The following ZNF469 variants were observed in gnomAD, a reference collection of about 807,000 sequenced individuals.
ZNF469 encodes zinc finger protein 469.
ZNF469 carries 1 observed loss-of-function variant against 1.0 expected under a neutral mutation model. The ratio of observed to expected loss-of-function variants is 1.00; its 90% CI spans 0.35 to 4.73. The LOEUF (loss-of-function observed/expected upper bound fraction) is 4.73, where lower values mean the gene tolerates loss of function less well. ZNF469 is among the 30% of genes most tolerant of loss of function. The pLI, the probability that ZNF469 is intolerant of heterozygous loss-of-function variation, is 0.16. For missense variants in ZNF469, 6,100 were observed against 5,356.3 expected (o/e 1.14, Z -4.33); for synonymous variants, 2,703 against 2,363.4 (o/e 1.14, Z -4.17).
chr16:88,180,046 T>A, the ZNF469 span, among the ~76,000 whole-genome samples: 1 of 152,114 alleles, frequency 6.6e-6, no homozygotes, highest in African/African-American at 2.4e-5. Flanking sequence ...AATGAAATAA[T>A]AAAAAATACT....
At chr16:88,129,928 G>C in the ZNF469 span, among the ~76,000 whole-genome samples, 1 of 152,228 alleles carries the variant, frequency 6.6e-6, no homozygotes, top group African/African-American at 2.4e-5. Context: ...GGGAATCCTG[G>C]CATGCTTTGG....
chr16:88,336,456 C>T, the ZNF469 span, among the ~76,000 whole-genome samples: 3 of 151,702 alleles, frequency 2.0e-5, no homozygotes, highest in Admixed American at 6.6e-5. Flanking sequence ...TCACGTGAGA[C>T]ACTAACATGC....
chr16:88,230,033 A>G, the ZNF469 span, among the ~76,000 whole-genome samples: 1 of 152,106 alleles, frequency 6.6e-6, no homozygotes, highest in African/African-American at 2.4e-5. Context: ...TCCACTCTCC[A>G]TCGGGAAGGC....
chr16:88,339,918 G>T, the ZNF469 span, among the ~76,000 whole-genome samples: 1 of 143,806 alleles, frequency 7.0e-6, no homozygotes, highest in African/African-American at 2.8e-5. Context: ...TGCTTCACGG[G>T]GTGGCACAGT....
chr16:88,185,192 CAT>C, the ZNF469 span, among the ~76,000 whole-genome samples: 1 of 150,108 alleles, frequency 6.7e-6, no homozygotes, highest in Admixed American at 6.6e-5. Flanking sequence ...CAGGCACACA[CAT>C]ATTGGGACAC....
Position 88,430,065 on chromosome 16 carries a change from C to T in ZNF469, c.2595C>T (p.Ile865=), listed in dbSNP as rs1354391708. Reference sequence around the variant, plus strand: ...ACCCGGAGATCGACAGCAGCTTCATCGACGTCTTCGCGGACGAGGAGCCTT... The same window carrying T: ...ACCCGGAGATCGACAGCAGCTTCATTGACGTCTTCGCGGACGAGGAGCCTT... ...SDNPEIDSSF[I]DVFADEEPSG... The change falls in exon 3 of 3, where the codon ATC becomes ATT. Residue 865 remains isoleucine (I), a synonymous_variant. Transcript: ENST00000565624. 1 of 1,550,378 alleles carries T rather than the reference C, an allele frequency of 6.5e-7. No homozygotes were observed. The highest frequency in any genetic ancestry group is 2.4e-5 in the East Asian group (1 of 40,920).
At chr16:88,307,703 T>C in the ZNF469 span, among the ~76,000 whole-genome samples, 1 of 152,248 alleles carries the variant, frequency 6.6e-6, no homozygotes, top group African/African-American at 2.4e-5. Context: ...TGTCTTTTTA[T>C]TATTGTTGCA....
chr16:88,345,295 C>T, the ZNF469 span, among the ~76,000 whole-genome samples: 1 of 152,226 alleles, frequency 6.6e-6, no homozygotes, highest in African/African-American at 2.4e-5. Flanking sequence ...GTGCTGGCAA[C>T]AAGCTGCCAC....
chr16:88,420,483 C>A (rs1347707103), intron 1 of ZNF469, among the ~76,000 whole-genome samples: 1 of 152,184 alleles, frequency 6.6e-6, no homozygotes, highest in East Asian at 1.9e-4. Flanking sequence ...GGCCAGGAGG[C>A]CCAATTGGAC....
chr16:88,411,493 CGG>C (rs1905164358), intron 1 of ZNF469, among the ~76,000 whole-genome samples: 1 of 6,670 alleles, frequency 1.5e-4, no homozygotes, highest in African/African-American at 2.3e-4. Context: ...GGGGTGCGAG[CGG>C]GCAGGGGTGC....
At position 88,383,221 on chromosome 16, in the gene ZNF469, C is replaced by G. The variant is rs2092530004; in HGVS notation, c.-225C>G. Among the ~76,000 whole-genome samples the G allele has an allele frequency of 1.4e-5, 2 of 147,286 alleles. No individual in the cohort carries two copies. The highest frequency in any genetic ancestry group is 1.3e-4 in the Admixed American group (2 of 14,836). ...GGGCCGGGAGCTCGTTGGCGGCGGC[C>G]GGCGTGGCGGGCGGAGCGGGCCTCG... is the stretch of plus-strand genomic sequence containing the variant. On this transcript the variant is annotated 5_prime_UTR_variant, in exon 1 of 3. Transcript: ENST00000565624.
At position 88,428,955 on chromosome 16, in the gene ZNF469, C is replaced by A; in HGVS notation, c.1485C>A (p.Pro495=). ...TGCTCCCGACCGCCCGGCCAAGTCCCCACGGAATGGAGATGCTGAGCCGGC... is the reference window on the plus strand; with the variant it reads ...TGCTCCCGACCGCCCGGCCAAGTCCACACGGAATGGAGATGCTGAGCCGGC... ...PQVLPTARPS[P]HGMEMLSRLP... is the part of the protein sequence containing the mutation. The change falls in exon 3 of 3, where the codon CCC becomes CCA. Residue 495 remains proline (P), a synonymous_variant. Coordinates refer to ENST00000565624, the MANE Select transcript of ZNF469 (RefSeq NM_001367624.2). 12 of 1,548,010 alleles carry A rather than the reference C, an allele frequency of 7.8e-6. No individual in the cohort carries two copies. The highest frequency in any genetic ancestry group is 9.6e-6 in the Non-Finnish European group (11 of 1,146,238).
At chr16:88,185,365 C>A in the ZNF469 span, among the ~76,000 whole-genome samples, 20 of 130,216 alleles carry the variant, frequency 1.5e-4, no homozygotes, top group African/African-American at 5.4e-4. Context: ...CACAAACATA[C>A]CTATACACTT....
chr16:88,292,508 C>T, the ZNF469 span, among the ~76,000 whole-genome samples: 1 of 152,154 alleles, frequency 6.6e-6, no homozygotes, highest in African/African-American at 2.4e-5. Context: ...AGATGCTTCA[C>T]TGGAAAGCAT....
At chr16:88,282,364 G>A in the ZNF469 span, among the ~76,000 whole-genome samples, 166 of 152,274 alleles carry the variant, frequency 1.1e-3, no homozygotes, top group South Asian at 2.7e-3. Flanking sequence ...AGTGGCAGCC[G>A]CCTGGTGCTG....
chr16:88,413,936 C>A (rs1905241169), intron 1 of ZNF469, among the ~76,000 whole-genome samples: 1 of 152,184 alleles, frequency 6.6e-6, no homozygotes, highest in African/African-American at 2.4e-5. Flanking sequence ...GAGACAGTGA[C>A]CCTGAGCCTC....
At chr16:88,248,509 G>A in the ZNF469 span, among the ~76,000 whole-genome samples, 1 of 151,232 alleles carries the variant, frequency 6.6e-6, no homozygotes, top group Non-Finnish European at 1.5e-5. Flanking sequence ...ACCAGCCTGG[G>A]CAAGATAGTG....
At chr16:88,294,557 T>A in the ZNF469 span, among the ~76,000 whole-genome samples, 232 of 152,322 alleles carry the variant, frequency 1.5e-3, no homozygotes, top group African/African-American at 5.2e-3. Context: ...AGCCACTCAT[T>A]CTTTGAAGAA....
At chr16:88,158,313 C>G in the ZNF469 span, among the ~76,000 whole-genome samples, 4 of 151,816 alleles carry the variant, frequency 2.6e-5, no homozygotes, top group African/African-American at 9.7e-5. Flanking sequence ...TCTGTGCTCT[C>G]GCTGCTAGAG....
Sources: gnomAD v4.1 joint callset for allele counts (sites outside exome capture counted in the v4.1 genomes callset) on GRCh38, gnomAD v4.1.1 for gene constraint, MANE v1.5 for transcripts, NCBI Gene and HGNC (gene_info 2026-07-23, HGNC 2026-07-21) for gene names.